PAFAH1B3: variants seen among roughly 807,000 people sequenced by gnomAD.
PAFAH1B3 encodes the protein platelet-activating factor acetylhydrolase IB subunit alpha1.
PAFAH1B3 carries 15 observed loss-of-function variants against 24.4 expected under a neutral mutation model. The ratio of observed to expected loss-of-function variants is 0.62; its 90% CI spans 0.41 to 0.95. The LOEUF (loss-of-function observed/expected upper bound fraction) is 0.95, where lower values mean the gene tolerates loss of function less well. PAFAH1B3 is among the 40% of genes least tolerant of loss of function. PAFAH1B3 has a pLI of 0.00. For synonymous variants in PAFAH1B3, 144 were observed against 126.5 expected (o/e 1.14, Z -0.93); for missense variants, 266 against 312.2 (o/e 0.85, Z 1.12).
chr19:42,298,775 G>C (rs1324993314), intron 4 of PAFAH1B3, among the ~76,000 whole-genome samples: 1 of 152,022 alleles, frequency 6.6e-6, no homozygotes, highest in Non-Finnish European at 1.5e-5. Context: ...AGCCTCCCAA[G>C]TAGCTGGGGT....
rs1310216789 is a variant in PAFAH1B3, at chr19:42,302,230, A to AC, written c.78+1dup. The AC allele has an allele frequency of 6.3e-6, 10 of 1,592,366 alleles. No individual in the cohort carries two copies. The highest frequency in any genetic ancestry group is 8.5e-6 in the Non-Finnish European group (10 of 1,169,602). ...CTCAATATCCCAGGTGGGAACGCTCACCAGGGACATCCAGCGCCCGTCGCC... is the reference window on the plus strand; with the variant it reads ...CTCAATATCCCAGGTGGGAACGCTCACCCAGGGACATCCAGCGCCCGTCGCC... On this transcript the variant is annotated splice_donor_variant, in intron 1 of 4. Transcript: ENST00000262890. LOFTEE classifies it high-confidence loss of function.
intron 2 of PAFAH1B3, 77 bp from the exon 3 acceptor site, chr19:42,300,364 C>G: frequency 7.9e-7 from 1 of 1,270,756 alleles, no homozygotes. Flanking sequence ...CCCCCTCTGT[C>G]CAGGTGTTAA....
chr19:42,297,343 T>C lies in PAFAH1B3; in HGVS notation c.431A>G (p.His144Arg). The change falls in exon 5 of 5, where the codon CAT becomes CGT. Residue 144 changes from histidine (H) to arginine (R), a missense_variant. Coordinates refer to ENST00000262890, the MANE Select transcript of PAFAH1B3 (RefSeq NM_002573.4). ...VVLGLLPRGQHPNPLREKNRQ... is the reference protein window; with the variant it reads ...VVLGLLPRGQRPNPLREKNRQ... ...GTTCTTCTCCCGAAGTGGGTTGGGA[T>C]GTTGGCCTCGCGGAAGCAGGCCCTG... The C allele has an allele frequency of 6.2e-7, 1 of 1,608,846 alleles. No individual in the cohort carries two copies. Among genetic ancestry groups the C allele is most frequent in the Non-Finnish European group, 8.5e-7 (1 of 1,175,590 alleles).
Position 42,302,234 on chromosome 19 carries a change from G to A in PAFAH1B3, c.76C>T (p.Leu26=). The change falls in exon 1 of 5, where the codon CTG becomes TTG. Residue 26 remains leucine, a splice_region_variant and synonymous_variant. Coordinates refer to ENST00000262890, the MANE Select transcript of PAFAH1B3 (RefSeq NM_002573.4). The stretch of plus-strand genomic sequence containing the variant: ...ATATCCCAGGTGGGAACGCTCACCA[G>A]GGACATCCAGCGCCCGTCGCCCTGT... ...DVQGDGRWMS[L]HHRFVADSKD... 1 of 1,594,662 alleles carries A rather than the reference G, an allele frequency of 6.3e-7. No homozygotes were observed. Among genetic ancestry groups the A allele is most frequent in the Non-Finnish European group, 8.5e-7 (1 of 1,170,782 alleles).
upstream of PAFAH1B3, chr19:42,302,636 T>C: frequency 3.0e-6 from 1 of 330,106 alleles, no homozygotes; most frequent in Non-Finnish European, 5.7e-6. Flanking sequence ...GGCGAGACCA[T>C]CCAGCTCCCG....
chr19:42,301,820 C>A, intron 2 of PAFAH1B3, 130 bp downstream of exon 2: 1 of 660,894 alleles, frequency 1.5e-6, no homozygotes, highest in East Asian at 2.7e-5. Flanking sequence ...CACCAAGATT[C>A]TCAGAGCCTC....
At chr19:42,299,591 A>T (rs2038586271) in intron 4 of PAFAH1B3, among the ~76,000 whole-genome samples, 1 of 151,368 alleles carries the variant, frequency 6.6e-6, no homozygotes, top group Non-Finnish European at 1.5e-5. Context: ...ACGCCCGGCT[A>T]ATTTTTTTTT....
At chr19:42,300,393 G>T in intron 2 of PAFAH1B3, 106 bp from the exon 3 acceptor site, 1 of 945,940 alleles carries the variant, frequency 1.1e-6, no homozygotes, top group Non-Finnish European at 1.7e-6. Flanking sequence ...CATTATGGAA[G>T]AACCTTACTT....
chr19:42,301,351 C>G lies in PAFAH1B3; in HGVS notation c.168+599G>C, dbSNP rs1021143571. On this transcript the variant is annotated intron_variant, in intron 2 of 4. Transcript: ENST00000262890. ...GGCAGAGGTTGCAGTGAACAGAGAT[C>G]ATACCACTGCACGCCAGCCTGGGTG... Among the ~76,000 whole-genome samples the G allele has an allele frequency of 2.1e-4, 32 of 152,154 alleles. 2 individuals carry two copies. The highest frequency in any genetic ancestry group is 5.9e-5 in the Non-Finnish European group (4 of 68,038).
Position 42,302,399 on chromosome 19 carries a change from C to T in PAFAH1B3, c.-90G>A. 8.2e-7 allele frequency: 1 copy of T among 1,220,972 alleles called. No homozygotes were observed. The highest frequency in any genetic ancestry group is 1.4e-5 in the South Asian group (1 of 71,328). The allele number at this position is 1,220,972 out of a possible 1,614,324, so 75.6% of individuals were successfully genotyped here. A position where few individuals can be genotyped will look rare whatever the true frequency, so the allele number is the denominator to read the frequency against. On this transcript the variant is annotated 5_prime_UTR_variant, in exon 1 of 5. Coordinates refer to ENST00000262890, the MANE Select transcript of PAFAH1B3 (RefSeq NM_002573.4). ...TGGCTCCGCCACGCCCACTCCTACCCCTCGCGGCAACAAAGGACCGTCCCA... is the reference window on the plus strand; with the variant it reads ...TGGCTCCGCCACGCCCACTCCTACCTCTCGCGGCAACAAAGGACCGTCCCA...
chr19:42,297,072 G>C lies in PAFAH1B3; in HGVS notation c.*6C>G, dbSNP rs1283729816. The C allele has an allele frequency of 6.3e-7, 1 of 1,594,642 alleles. No individual in the cohort carries two copies. The highest frequency in any genetic ancestry group is 8.6e-7 in the Non-Finnish European group (1 of 1,164,284). On this transcript the variant is annotated 3_prime_UTR_variant, in exon 5 of 5. Coordinates refer to ENST00000262890, the MANE Select transcript of PAFAH1B3 (RefSeq NM_002573.4). ...AGTTTAATGTTGTGGGAAGGCAGCAGGATGCTTAGGGTGCGGGCTCCAGCA... is the reference window on the plus strand; with the variant it reads ...AGTTTAATGTTGTGGGAAGGCAGCACGATGCTTAGGGTGCGGGCTCCAGCA...
chr19:42,301,271 A>C (rs1398438369), intron 2 of PAFAH1B3, among the ~76,000 whole-genome samples: 5 of 152,056 alleles, frequency 3.3e-5, no homozygotes, highest in Non-Finnish European at 7.4e-5. Flanking sequence ...GGTGATGTGC[A>C]CCTGTAGTCC....
Position 42,300,063 on chromosome 19 carries a change from G to T in PAFAH1B3, c.315C>A (p.Asn105Lys). ...KIVVVWVGTN[N>K]HGHTAEQVTG... ...TCACCTGCTCTGCTGTGTGTCCGTGGTTGTTGGTGCCCACCCAGACCACCA... is the reference window on the plus strand; with the variant it reads ...TCACCTGCTCTGCTGTGTGTCCGTGTTTGTTGGTGCCCACCCAGACCACCA... The change falls in exon 4 of 5, where the codon AAC (asparagine) becomes AAA (lysine). Residue 105 changes from asparagine (N) to lysine (K), a missense_variant. Coordinates refer to ENST00000262890, the MANE Select transcript of PAFAH1B3 (RefSeq NM_002573.4). 1 of 1,614,206 alleles carries T rather than the reference G, an allele frequency of 6.2e-7. No individual in the cohort carries two copies. Among genetic ancestry groups the T allele is most frequent in the Non-Finnish European group, 8.5e-7 (1 of 1,180,036 alleles).
chr19:42,302,658 AGGGAGAAACCACCCACCGGTCACG>A, upstream of PAFAH1B3: 1 of 311,796 alleles, frequency 3.2e-6, no homozygotes, highest in Non-Finnish European at 6.1e-6. Flanking sequence ...GGCGGGGAGG[AGGGAGAAACCACCCACCGGTCACG>A]GGGAGGGGCG....
rs756687537 is a variant in PAFAH1B3, at chr19:42,297,046, G to A, written c.*32C>T. The A allele has an allele frequency of 5.1e-6, 8 of 1,581,694 alleles. No individual in the cohort carries two copies. In the Middle Eastern group the frequency reaches 5.8e-4, roughly 115 times the overall value. On this transcript the variant is annotated 3_prime_UTR_variant, in exon 5 of 5. Coordinates refer to ENST00000262890, the MANE Select transcript of PAFAH1B3 (RefSeq NM_002573.4). ...CAGGAAACAGCACACTGAGGAAGGAGAGTTTAATGTTGTGGGAAGGCAGCA... is the reference window on the plus strand; with the variant it reads ...CAGGAAACAGCACACTGAGGAAGGAAAGTTTAATGTTGTGGGAAGGCAGCA...
At chr19:42,301,215 G>A (rs1252243883) in intron 2 of PAFAH1B3, among the ~76,000 whole-genome samples, 1 of 152,060 alleles carries the variant, frequency 6.6e-6, no homozygotes, top group Admixed American at 6.6e-5. Flanking sequence ...GCGCAACAGG[G>A]CAAAACCCCA....
At position 42,299,783 on chromosome 19, in the gene PAFAH1B3, G is replaced by T. The variant is rs1421913455; in HGVS notation, c.408+187C>A. On this transcript the variant is annotated intron_variant, in intron 4 of 4. Transcript: ENST00000262890. ...CTTAAGCCATCCCTGGGCAAAAAAG[G>T]CTAATTGGTCTCGGAGCATATTCTC... The T allele has an allele frequency of 2.1e-5, 16 of 771,534 alleles. No individual in the cohort carries two copies. The South Asian group carries it at 2.8e-4, about 14-fold the overall frequency. The allele number at this position is 771,534 out of a possible 1,614,324, so 47.8% of individuals were successfully genotyped here.
chr19:42,301,682 A>G (rs1381323199), intron 2 of PAFAH1B3, among the ~76,000 whole-genome samples: 1 of 152,226 alleles, frequency 6.6e-6, no homozygotes, highest in African/African-American at 2.4e-5. Context: ...AAAGCAAACA[A>G]GAAAGAGCCT....
intron 1 of PAFAH1B3, 40 bp downstream of exon 1, chr19:42,302,192 C>G (rs1187990860): frequency 6.5e-7 from 1 of 1,544,640 alleles, no homozygotes; most frequent in South Asian, 1.2e-5. Context: ...CCACCCCCCG[C>G]GCCCCCGGAC....
Sources: gnomAD v4.1 joint callset for allele counts (sites outside exome capture counted in the v4.1 genomes callset) on GRCh38, gnomAD v4.1.1 for gene constraint, MANE v1.5 for transcripts, NCBI Gene and HGNC (gene_info 2026-07-23, HGNC 2026-07-21) for gene names.